The following AGPAT4 variants were observed in gnomAD, a reference collection of about 807,000 sequenced individuals.
AGPAT4 encodes the protein 1-acyl-sn-glycerol-3-phosphate acyltransferase delta.
A neutral mutation model predicts 48.0 loss-of-function variants in AGPAT4; 15 were observed. The ratio of observed to expected loss-of-function variants is 0.31; its 90% CI spans 0.21 to 0.48. AGPAT4 has a LOEUF of 0.48. Ranked by LOEUF, AGPAT4 falls within the 20% of genes least tolerant of loss-of-function variation. The pLI, the probability that AGPAT4 is intolerant of heterozygous loss-of-function variation, is 0.99. For synonymous variants in AGPAT4, 178 were observed against 198.7 expected (o/e 0.90, Z 0.88); for missense variants, 314 against 482.5 (o/e 0.65, Z 3.27).
chr6:161,175,158 C>T (rs532257683), intron 2 of AGPAT4, among the ~76,000 whole-genome samples: 4 of 152,222 alleles, frequency 2.6e-5, no homozygotes, highest in African/African-American at 9.6e-5. Context: ...TGATGCTGGC[C>T]TCATAAAATG....
chr6:161,213,488 C>T (rs1355222041), intron 2 of AGPAT4, among the ~76,000 whole-genome samples: 5 of 152,088 alleles, frequency 3.3e-5, no homozygotes, highest in Non-Finnish European at 7.4e-5. Context: ...GGCTACAAGT[C>T]TTCAAAATAA....
At chr6:161,273,850 G>C (rs1353716949) in intron 1 of AGPAT4, 88 bp downstream of exon 1, 1 of 126,240 alleles carries the variant, frequency 7.9e-6, no homozygotes. Context: ...ATCCAGCCCA[G>C]GAGAGAAAAA....
chr6:161,160,106 T>A (rs1403351991), intron 3 of AGPAT4: 1 of 9,654 alleles, frequency 1.0e-4, no homozygotes, highest in Non-Finnish European at 1.7e-4. Context: ...CCCAGCTAAT[T>A]TTTTTTTTTT....
chr6:161,202,799 TG>T lies in AGPAT4; in HGVS notation c.178+29236del, dbSNP rs907192610. 2.6e-5 allele frequency among the ~76,000 whole-genome samples: 4 copies of T among 152,134 alleles called. No homozygotes were observed. The highest frequency in any genetic ancestry group is 7.2e-5 in the African/African-American group (3 of 41,426). On this transcript the variant is annotated intron_variant, in intron 2 of 8. Coordinates refer to ENST00000320285, the MANE Select transcript of AGPAT4 (RefSeq NM_020133.3). This position sits in a 1 kb window ranked among gnomAD's most constrained non-coding sequence, Gnocchi z 5.4. ...AGGTCATAACCTTATGCCCCGTGAA[TG>T]GGGACACTGACTTTTGGAGCCCTAA...
At position 161,137,060 on chromosome 6, in the gene AGPAT4, C is replaced by G. The variant is rs765161074; in HGVS notation, c.1043-426G>C. ...CTGGAAGACGCAAGAGCTCGAGTAT[C>G]GAGTGCCCAACACGTTTCAGCACTG... On this transcript the variant is annotated intron_variant, in intron 8 of 8. Coordinates refer to ENST00000320285, the MANE Select transcript of AGPAT4 (RefSeq NM_020133.3). The surrounding 1 kb of genome is among the most constrained non-coding windows in gnomAD (Gnocchi z 6.1). Among the ~76,000 whole-genome samples, 1 of 152,160 alleles carries G rather than the reference C, an allele frequency of 6.6e-6. No individual in the cohort carries two copies. The highest frequency in any genetic ancestry group is 1.5e-5 in the Non-Finnish European group (1 of 68,030).
rs1408475974 is a variant in AGPAT4, at chr6:161,251,508, T to G, written c.-89-19206A>C. Among the ~76,000 whole-genome samples the G allele has an allele frequency of 6.6e-6, 1 of 152,224 alleles. No homozygotes were observed. The highest frequency in any genetic ancestry group is 1.5e-5 in the Non-Finnish European group (1 of 68,044). On this transcript the variant is annotated intron_variant, in intron 1 of 8. Coordinates refer to ENST00000320285, the MANE Select transcript of AGPAT4 (RefSeq NM_020133.3). The surrounding 1 kb of genome is among the most constrained non-coding windows in gnomAD (Gnocchi z 4.6). ...TGTGCCCCCAGCTCTTTCCTTGGCC[T>G]TGCTCTCTTGGCCTCTCCACCTGAT...
At position 161,219,912 on chromosome 6, in the gene AGPAT4, CA is replaced by C. The variant is rs1562343922; in HGVS notation, c.178+12123del. Among the ~76,000 whole-genome samples the C allele has an allele frequency of 0.017, 2,142 of 123,800 alleles. 41 individuals carry two copies. Among genetic ancestry groups the C allele is most frequent in the East Asian group, 0.06 (251 of 4,210 alleles). The allele number at this position is 123,800 out of a possible 152,430, so 81.2% of individuals were successfully genotyped here. A position where few individuals can be genotyped will look rare whatever the true frequency, so the allele number is the denominator to read the frequency against. ...GCAGGCAGGCAGGCAGGCAGGCAGG[CA>C]GGCGGCAGGCAGGCAGGCAGGCAGG... is the stretch of plus-strand genomic sequence containing the variant. On this transcript the variant is annotated intron_variant, in intron 2 of 8. Coordinates refer to ENST00000320285, the MANE Select transcript of AGPAT4 (RefSeq NM_020133.3). This position sits in a 1 kb window ranked among gnomAD's most constrained non-coding sequence, Gnocchi z 4.9.
chr6:161,219,946 G>GCAGGCAGGCAGGCAGACAGA lies in AGPAT4; in HGVS notation c.178+12089_178+12090insTCTGTCTGCCTGCCTGCCTG, dbSNP rs1247603859. Reference sequence around the variant, plus strand: ...GGCAGGCAGGCAGGCAGGCAGGCAGGCAGACAGACAGACAGACAGACAGGC... The same window carrying GCAGGCAGGCAGGCAGACAGA: ...GGCAGGCAGGCAGGCAGGCAGGCAGGCAGGCAGGCAGGCAGACAGACAGACAGACAGACAGACAGACAGGC... On this transcript the variant is annotated intron_variant, in intron 2 of 8. Transcript: ENST00000320285. This position sits in a 1 kb window ranked among gnomAD's most constrained non-coding sequence, Gnocchi z 4.9. Among the ~76,000 whole-genome samples the GCAGGCAGGCAGGCAGACAGA allele has an allele frequency of 3.5e-5, 5 of 143,850 alleles. No homozygotes were observed. The East Asian group carries it at 6.3e-4, about 18-fold the overall frequency. 94.4% of individuals were successfully genotyped at this position (143,850 alleles called of 152,430 possible).
intron 2 of AGPAT4, among the ~76,000 whole-genome samples, chr6:161,188,151 A>G (rs1407283859): frequency 6.6e-6 from 1 of 152,250 alleles, no homozygotes; most frequent in Non-Finnish European, 1.5e-5. Flanking sequence ...AATATACACA[A>G]TTACCAAAAT....
In AGPAT4 at chr6:161,248,594, A is replaced by AAAC. The variant is rs59741511; in HGVS notation, c.-89-16293_-89-16292insGTT. Among the ~76,000 whole-genome samples, 629 of 138,408 alleles carry AAAC rather than the reference A, an allele frequency of 4.5e-3. 28 individuals carry two copies. Among genetic ancestry groups the AAAC allele is most frequent in the African/African-American group, 0.015 (517 of 34,164 alleles). The allele number at this position is 138,408 out of a possible 152,430, so 90.8% of individuals were successfully genotyped here. A position where few individuals can be genotyped will look rare whatever the true frequency, so the allele number is the denominator to read the frequency against. Reference sequence around the variant, plus strand: ...CTCAAAAAAAAAAAAAAAAAAAAAAACTAGGAATACAGCTAACCAGGGAAG... The same window carrying AAAC: ...CTCAAAAAAAAAAAAAAAAAAAAAAAAACCTAGGAATACAGCTAACCAGGGAAG... On this transcript the variant is annotated intron_variant, in intron 1 of 8. Transcript: ENST00000320285.
chr6:161,174,026 C>T (rs554544655), intron 2 of AGPAT4, among the ~76,000 whole-genome samples: 54 of 152,294 alleles, frequency 3.5e-4, no homozygotes, highest in Non-Finnish European at 7.1e-4. Flanking sequence ...GGTACCAGCA[C>T]CATGCTGTTT....
At chr6:161,191,194 C>T (rs184451383) in intron 2 of AGPAT4, among the ~76,000 whole-genome samples, 27 of 152,260 alleles carry the variant, frequency 1.8e-4, no homozygotes, top group Non-Finnish European at 3.8e-4. Flanking sequence ...ACTTGACAGA[C>T]GAGAACACCA....
In AGPAT4 at chr6:161,161,241, G is replaced by A. The variant is rs760646359; in HGVS notation, c.348+5007C>T. The A allele has an allele frequency of 1.1e-5, 5 of 456,548 alleles. No individual in the cohort carries two copies. Among genetic ancestry groups the A allele is most frequent in the South Asian group, 3.1e-5 (2 of 64,564 alleles). The allele number at this position is 456,548 out of a possible 1,614,324, so 28.3% of individuals were successfully genotyped here. A position where few individuals can be genotyped will look rare whatever the true frequency, so the allele number is the denominator to read the frequency against. On this transcript the variant is annotated intron_variant, in intron 3 of 8. Coordinates refer to ENST00000320285, the MANE Select transcript of AGPAT4 (RefSeq NM_020133.3). This position sits in a 1 kb window ranked among gnomAD's most constrained non-coding sequence, Gnocchi z 4.6. Reference sequence around the variant, plus strand: ...ACCCCGGTGTGTCCAACGTGGGACCGGACTTTTACAGATGAGCATGCGCTC... The same window carrying A: ...ACCCCGGTGTGTCCAACGTGGGACCAGACTTTTACAGATGAGCATGCGCTC...
rs2115040051 is a variant in AGPAT4 at position 161,236,800 on chromosome 6, G to C, written c.-89-4498C>G. Among the ~76,000 whole-genome samples the C allele has an allele frequency of 6.6e-6, 1 of 152,202 alleles. No homozygotes were observed. Among genetic ancestry groups the C allele is most frequent in the Non-Finnish European group, 1.5e-5 (1 of 68,004 alleles). ...GTCTGTAATCCCAGCTACTCGGGAG[G>C]CTGAGGCAGGCGAATCACTTAAACC... On this transcript the variant is annotated intron_variant, in intron 1 of 8. Transcript: ENST00000320285. This position sits in a 1 kb window ranked among gnomAD's most constrained non-coding sequence, Gnocchi z 5.0.
intron 2 of AGPAT4, among the ~76,000 whole-genome samples, chr6:161,175,042 C>T (rs149012698): frequency 3.9e-5 from 6 of 152,134 alleles, no homozygotes; most frequent in African/African-American, 7.2e-5. Flanking sequence ...CTGCTGGATT[C>T]GGTTTGCCAG....
At chr6:161,167,383 G>A (rs1310580264) in intron 2 of AGPAT4, among the ~76,000 whole-genome samples, 1 of 152,074 alleles carries the variant, frequency 6.6e-6, no homozygotes, top group Admixed American at 6.5e-5. Context: ...GCACCACCAT[G>A]CCCAGCTAAT....
At chr6:161,150,677 G>A (rs1014315167) in intron 5 of AGPAT4, among the ~76,000 whole-genome samples, 11 of 152,328 alleles carry the variant, frequency 7.2e-5, no homozygotes, top group Admixed American at 5.9e-4. Context: ...ACTCACCCCC[G>A]CCTTGGGGCT....
chr6:161,144,717 G>A lies in AGPAT4; in HGVS notation c.843+1807C>T, dbSNP rs1481700122. Among the ~76,000 whole-genome samples the A allele has an allele frequency of 1.3e-5, 2 of 152,102 alleles. No homozygotes were observed. Among genetic ancestry groups the A allele is most frequent in the African/African-American group, 4.8e-5 (2 of 41,404 alleles). On this transcript the variant is annotated intron_variant, in intron 7 of 8. Coordinates refer to ENST00000320285, the MANE Select transcript of AGPAT4 (RefSeq NM_020133.3). This position sits in a 1 kb window ranked among gnomAD's most constrained non-coding sequence, Gnocchi z 6.6. The stretch of plus-strand genomic sequence containing the variant: ...TTTTCGGCTGGGCACGGTGGCTCAC[G>A]CCTGTAATCCCAGCACTTTGGGAGG...
At chr6:161,173,276 C>T (rs1780331991) in intron 2 of AGPAT4, among the ~76,000 whole-genome samples, 1 of 152,184 alleles carries the variant, frequency 6.6e-6, no homozygotes, top group South Asian at 2.1e-4. Context: ...TAAAAGTGTT[C>T]CTATTTCTCC....
Sources: allele counts gnomAD v4.1 joint callset (sites outside exome capture counted in the v4.1 genomes callset), GRCh38; gene constraint gnomAD v4.1.1; non-coding constraint Gnocchi (gnomAD v3.1); transcripts MANE v1.5; gene names NCBI Gene and HGNC (gene_info 2026-07-23, HGNC 2026-07-21).